The following P2RX1 variants were observed in gnomAD, a reference collection of about 807,000 sequenced individuals.
The protein encoded by P2RX1 is P2X purinoceptor 1.
P2RX1 carries 42 observed loss-of-function variants against 50.3 expected under a neutral mutation model. The ratio of observed to expected loss-of-function variants is 0.83; its 90% CI spans 0.65 to 1.08. The LOEUF is 1.08. Ranked by LOEUF, P2RX1 falls within the 50% of genes least tolerant of loss-of-function variation. The pLI is 0.00. For missense variants in P2RX1, 449 were observed against 529.0 expected (o/e 0.85, Z 1.48); for synonymous variants, 199 against 202.6 (o/e 0.98, Z 0.15).
intron 9 of P2RX1, 92 bp from the exon 10 acceptor site, chr17:3,898,641 T>C (rs777134539): frequency 1.2e-4 from 114 of 981,636 alleles, no homozygotes; most frequent in Non-Finnish European, 1.7e-4. Flanking sequence ...TTCCCCACCC[T>C]CGGCTGTGAA....
At position 3,897,743 on chromosome 17, in the gene P2RX1, C is replaced by T; in HGVS notation, c.*71G>A. ...GACTTCCTGGGGAGGCCCCTCTGCC[C>T]TGGCTGGGACCCACCAGGGCTCCAG... On this transcript the variant is annotated 3_prime_UTR_variant, in exon 12 of 12. Coordinates refer to ENST00000225538, the MANE Select transcript of P2RX1 (RefSeq NM_002558.4). 2.1e-6 allele frequency: 3 copies of T among 1,457,464 alleles called. No homozygotes were observed. The highest frequency in any genetic ancestry group is 2.9e-6 in the Non-Finnish European group (3 of 1,050,668). 90.3% of individuals were successfully genotyped at this position (1,457,464 alleles called of 1,614,324 possible). A position where few individuals can be genotyped will look rare whatever the true frequency, so the allele number is the denominator to read the frequency against.
intron 1 of P2RX1, among the ~76,000 whole-genome samples, chr17:3,905,930 CT>C (rs1305575092): frequency 6.6e-6 from 1 of 151,860 alleles, no homozygotes; most frequent in Non-Finnish European, 1.5e-5. Flanking sequence ...ACAGAGTTTG[CT>C]GGGGCCTGGA....
At chr17:3,905,389 G>T (rs779955400) in intron 1 of P2RX1, 22 bp from the exon 2 acceptor site, 15 of 1,612,650 alleles carry the variant, frequency 9.3e-6, no homozygotes, top group Non-Finnish European at 1.3e-5. Context: ...GGGACAGAGG[G>T]GGAGTTGTGG....
Position 3,897,707 on chromosome 17 carries a change from A to G in P2RX1, c.*107T>C. 1.0e-6 allele frequency: 1 copy of G among 974,938 alleles called. No individual in the cohort carries two copies. Among genetic ancestry groups the G allele is most frequent in the South Asian group, 1.4e-5 (1 of 73,716 alleles). The allele number at this position is 974,938 out of a possible 1,614,324, so 60.4% of individuals were successfully genotyped here. On this transcript the variant is annotated 3_prime_UTR_variant, in exon 12 of 12. Transcript: ENST00000225538. ...TGGCAAACTGCTCTCTGCCTGGCTG[A>G]GAGGGTAGGAGACTTCCTGGGGAGG...
intron 7 of P2RX1, among the ~76,000 whole-genome samples, chr17:3,901,296 T>C (rs936060240): frequency 3.9e-5 from 6 of 152,344 alleles, no homozygotes; most frequent in African/African-American, 1.2e-4. Flanking sequence ...CTCGATCTCC[T>C]GACCTCGTGA....
intron 1 of P2RX1, among the ~76,000 whole-genome samples, chr17:3,912,340 T>A (rs577603349): frequency 2.0e-4 from 30 of 152,118 alleles, no homozygotes; most frequent in African/African-American, 6.7e-4. Context: ...TTTTTTTATT[T>A]TTTTTTTTGA....
chr17:3,898,215 G>T, intron 10 of P2RX1, 105 bp from the exon 11 acceptor site: 1 of 1,034,816 alleles, frequency 9.7e-7, no homozygotes, highest in South Asian at 1.3e-5. Flanking sequence ...GGCTGGATCT[G>T]ACCTCACTGG....
intron 1 of P2RX1, among the ~76,000 whole-genome samples, chr17:3,907,086 C>T (rs1006772527): frequency 2.6e-5 from 4 of 152,190 alleles, no homozygotes; most frequent in African/African-American, 9.7e-5. Context: ...TGTTTGAGCA[C>T]CTGGATTCAG....
intron 1 of P2RX1, among the ~76,000 whole-genome samples, chr17:3,908,196 G>A (rs1312949595): frequency 6.6e-6 from 1 of 152,216 alleles, no homozygotes; most frequent in African/African-American, 2.4e-5. Flanking sequence ...GCACCTTGGA[G>A]CTGCCGGTCT....
At chr17:3,904,511 T>C in intron 3 of P2RX1, 112 bp from the exon 4 acceptor site, 1 of 912,290 alleles carries the variant, frequency 1.1e-6, no homozygotes, top group South Asian at 1.4e-5. Context: ...GTCTCAGACC[T>C]CTCTGGAGTG....
chr17:3,912,385 C>A (rs1460869813), intron 1 of P2RX1, among the ~76,000 whole-genome samples: 2 of 151,912 alleles, frequency 1.3e-5, no homozygotes, highest in Non-Finnish European at 2.9e-5. Context: ...GGCTGGAGTG[C>A]AGTGGTGCGA....
At chr17:3,912,691 T>C (rs969277713) in intron 1 of P2RX1, among the ~76,000 whole-genome samples, 5 of 152,218 alleles carry the variant, frequency 3.3e-5, no homozygotes, top group African/African-American at 1.2e-4. Flanking sequence ...GGAGTCTGGC[T>C]AATTCACCCT....
chr17:3,898,144 G>A, intron 10 of P2RX1, 34 bp from the exon 11 acceptor site: 1 of 1,572,448 alleles, frequency 6.4e-7, no homozygotes, highest in Non-Finnish European at 8.7e-7. Context: ...GACAGCGTGG[G>A]AATCCGGGGG....
At position 3,903,144 on chromosome 17, in the gene P2RX1, C is replaced by T. The variant is rs2056183059; in HGVS notation, c.747+58G>A. 2 of 1,610,622 alleles carry T rather than the reference C, an allele frequency of 1.2e-6. No homozygotes were observed. Among genetic ancestry groups the T allele is most frequent in the African/African-American group, 1.3e-5 (1 of 75,016 alleles). ...GGGAAGATGAACTGGGCCTAAAAAG[C>T]CTTTATCAGGATCCTGCGGCCCAGC... is the stretch of plus-strand genomic sequence containing the variant. On this transcript the variant is annotated intron_variant, in intron 7 of 11. Transcript: ENST00000225538. This position sits in a 1 kb window ranked among gnomAD's most constrained non-coding sequence, Gnocchi z 4.6.
intron 3 of P2RX1, 155 bp from the exon 4 acceptor site, chr17:3,904,554 C>A: frequency 1.4e-6 from 1 of 721,410 alleles, no homozygotes. Flanking sequence ...CCCCATTTCC[C>A]CCCACACTGC....
chr17:3,911,270 G>A (rs906874086), intron 1 of P2RX1, among the ~76,000 whole-genome samples: 1 of 151,894 alleles, frequency 6.6e-6, no homozygotes, highest in African/African-American at 2.4e-5. Flanking sequence ...TTACAGGCGT[G>A]CACCATGGCA....
At chr17:3,901,543 G>C (rs750350368) in intron 7 of P2RX1, among the ~76,000 whole-genome samples, 1 of 152,250 alleles carries the variant, frequency 6.6e-6, no homozygotes, top group African/African-American at 2.4e-5. Flanking sequence ...GACTTGGGTA[G>C]TTGGCACGGA....
chr17:3,903,375 T>C lies in P2RX1; in HGVS notation c.606-32A>G, dbSNP rs1263000477. ...GGGTGGAAGGTGTTGACAGCTGCTG[T>C]GTGTCATCCGGGAGGGTGCCCACCA... On this transcript the variant is annotated intron_variant, in intron 6 of 11. Transcript: ENST00000225538. The surrounding 1 kb of genome is among the most constrained non-coding windows in gnomAD (Gnocchi z 4.6). 6.2e-7 allele frequency: 1 copy of C among 1,613,544 alleles called. No individual in the cohort carries two copies. Among genetic ancestry groups the C allele is most frequent in the Non-Finnish European group, 8.5e-7 (1 of 1,179,898 alleles).
At chr17:3,900,525 G>A (rs1263859495) in intron 7 of P2RX1, among the ~76,000 whole-genome samples, 2 of 152,198 alleles carry the variant, frequency 1.3e-5, no homozygotes, top group East Asian at 3.9e-4. Flanking sequence ...CTGTTTTGGG[G>A]TAGAGGTCCT....
Sources: gnomAD v4.1 joint callset for allele counts (sites outside exome capture counted in the v4.1 genomes callset) on GRCh38, gnomAD v4.1.1 for gene constraint, Gnocchi (gnomAD v3.1) non-coding constraint, MANE v1.5 for transcripts, NCBI Gene and HGNC (gene_info 2026-07-23, HGNC 2026-07-21) for gene names.